Variants in DDX10 observed in about 807,000 individuals in gnomAD.
DDX10 encodes DEAD-box helicase 10, also known as probable ATP-dependent RNA helicase DDX10.
A neutral mutation model predicts 104.3 loss-of-function variants in DDX10; 74 were observed. That is an observed-to-expected ratio of 0.71 (90% CI 0.59 to 0.86). DDX10 has a LOEUF of 0.86. Ranked by LOEUF, DDX10 falls within the 40% of genes least tolerant of loss-of-function variation. The pLI, the probability that DDX10 is intolerant of heterozygous loss-of-function variation, is 0.00. For missense variants in DDX10, 952 were observed against 1,040.0 expected (o/e 0.92, Z 1.16); for synonymous variants, 351 against 353.4 (o/e 0.99, Z 0.08).
intron 16 of DDX10, among the ~76,000 whole-genome samples, chr11:108,886,394 CT>C: frequency 6.6e-6 from 1 of 152,332 alleles, no homozygotes; most frequent in East Asian, 1.9e-4. Flanking sequence ...TACAGTCTGT[CT>C]TCTTCCTCTG....
rs146403603 is a variant in DDX10 at position 108,858,011 on chromosome 11, TCTCA to T, written c.2304+5805_2304+5808del. Among the ~76,000 whole-genome samples, 1,166 of 152,320 alleles carry T rather than the reference TCTCA, an allele frequency of 7.7e-3. 10 individuals carry two copies. Among genetic ancestry groups the T allele is most frequent in the African/African-American group, 0.026 (1,064 of 41,574 alleles). ...GCATCTCCTATTAGTTACTATAAAA[TCTCA>T]CTGGAATCCCAGCAGCTTAATTTTT... is the stretch of plus-strand genomic sequence containing the variant. On this transcript the variant is annotated intron_variant, in intron 16 of 17. Coordinates refer to ENST00000322536, the MANE Select transcript of DDX10 (RefSeq NM_004398.4).
chr11:108,667,916 A>G (rs951058972), intron 1 of DDX10, among the ~76,000 whole-genome samples: 1 of 152,188 alleles, frequency 6.6e-6, no homozygotes, highest in Non-Finnish European at 1.5e-5. Flanking sequence ...CTTTTTTAAA[A>G]AAACTCTCCT....
intron 16 of DDX10, among the ~76,000 whole-genome samples, chr11:108,876,328 G>A (rs1382872520): frequency 6.6e-6 from 1 of 152,092 alleles, no homozygotes; most frequent in Non-Finnish European, 1.5e-5. Context: ...GAGACAGAAG[G>A]TCAGACAGCT....
chr11:108,797,293 A>T (rs146414773), intron 13 of DDX10, among the ~76,000 whole-genome samples: 6 of 152,206 alleles, frequency 3.9e-5, no homozygotes, highest in African/African-American at 1.2e-4. Flanking sequence ...CGGCCTCCCA[A>T]AGTGTTGGGA....
At chr11:108,838,374 G>T in intron 13 of DDX10, 72 bp from the exon 14 acceptor site, 2 of 1,499,442 alleles carry the variant, frequency 1.3e-6, no homozygotes, top group South Asian at 2.6e-5. Flanking sequence ...GAAGTATATT[G>T]CCAGAGTTGG....
intron 13 of DDX10, among the ~76,000 whole-genome samples, chr11:108,766,603 G>C (rs2094356669): frequency 6.6e-6 from 1 of 152,164 alleles, no homozygotes; most frequent in South Asian, 2.1e-4. Flanking sequence ...TTGGGAGTGA[G>C]TTTTATTTGT....
At chr11:108,672,694 A>G (rs975444364) in intron 1 of DDX10, among the ~76,000 whole-genome samples, 1 of 152,218 alleles carries the variant, frequency 6.6e-6, no homozygotes, top group Non-Finnish European at 1.5e-5. Context: ...TTTGCGAATC[A>G]TGTATAATTT....
intron 16 of DDX10, among the ~76,000 whole-genome samples, chr11:108,899,803 A>T (rs1282341545): frequency 6.6e-6 from 1 of 151,952 alleles, no homozygotes; most frequent in African/African-American, 2.4e-5. Flanking sequence ...TTCTCATGAG[A>T]CCTGGCTGTT....
chr11:108,909,744 C>T (rs1863643578), intron 16 of DDX10, among the ~76,000 whole-genome samples: 1 of 152,030 alleles, frequency 6.6e-6, no homozygotes, highest in African/African-American at 2.4e-5. Context: ...TGGTTATTGT[C>T]AGAAATGAGT....
At chr11:108,861,497 T>C (rs1862940853) in intron 16 of DDX10, among the ~76,000 whole-genome samples, 1 of 152,198 alleles carries the variant, frequency 6.6e-6, no homozygotes, top group Non-Finnish European at 1.5e-5. Context: ...CATCCAATAA[T>C]GGGCAAATTT....
intron 10 of DDX10, among the ~76,000 whole-genome samples, chr11:108,710,779 A>G (rs770845092): frequency 5.3e-5 from 8 of 152,204 alleles, no homozygotes; most frequent in Admixed American, 3.9e-4. Context: ...GCATCACCAT[A>G]AACACATGAG....
chr11:108,719,771 GTAC>G, intron 11 of DDX10, 23 bp from the exon 12 acceptor site: 1 of 1,368,162 alleles, frequency 7.3e-7, no homozygotes. Context: ...CTATTATATT[GTAC>G]TTTTCAACCT....
At chr11:108,897,056 C>G (rs1863451297) in intron 16 of DDX10, among the ~76,000 whole-genome samples, 1 of 151,976 alleles carries the variant, frequency 6.6e-6, no homozygotes, top group African/African-American at 2.4e-5. Flanking sequence ...AGCTAACATT[C>G]CTGGCTTTTT....
intron 14 of DDX10, among the ~76,000 whole-genome samples, chr11:108,839,810 AGACTAAACTAGAATAG>A (rs1862611664): frequency 6.6e-6 from 1 of 152,220 alleles, no homozygotes; most frequent in African/African-American, 2.4e-5. Flanking sequence ...CCTGAGAAAC[AGACTAAACTAGAATAG>A]TCATATGACA....
rs371790879 is a variant in DDX10 at position 108,891,209 on chromosome 11, A to G, written c.2305-26664A>G. Among the ~76,000 whole-genome samples the G allele has an allele frequency of 8.5e-5, 13 of 152,300 alleles. No individual in the cohort carries two copies. The East Asian group carries it at 1.9e-3, about 23-fold the overall frequency. On this transcript the variant is annotated intron_variant, in intron 16 of 17. Transcript: ENST00000322536. ...CAGCATTCTCAAAAAGATTTTAAGCATTTTGAGGAATTTTTACATTTTTAA... is the reference window on the plus strand; with the variant it reads ...CAGCATTCTCAAAAAGATTTTAAGCGTTTTGAGGAATTTTTACATTTTTAA...
intron 16 of DDX10, among the ~76,000 whole-genome samples, chr11:108,906,027 T>A (rs1042730685): frequency 1.3e-4 from 20 of 152,228 alleles, no homozygotes; most frequent in African/African-American, 4.8e-4. Context: ...GGGATTACAA[T>A]TCAACATGAG....
chr11:108,723,415 C>T lies in DDX10; in HGVS notation c.1918C>T (p.Arg640Trp), dbSNP rs138526052. ...EEDADFLKVKRHNVFGLDLKD... is the reference protein window; with the variant it reads ...EEDADFLKVKWHNVFGLDLKD... ...AGATGCTGATTTCTTGAAGGTGAAG[C>T]GGCATAATGTGTTTGGATTGGACCT... The change falls in exon 13 of 18, where the codon CGG becomes TGG. Residue 640 changes from arginine to tryptophan, a missense_variant. Arg to Trp is a moderately radical substitution (Grantham distance 101). Transcript: ENST00000322536. The T allele has an allele frequency of 5.1e-5, 83 of 1,613,488 alleles. No homozygotes were observed. Among genetic ancestry groups the T allele is most frequent in the African/African-American group, 1.7e-4 (13 of 74,886 alleles).
intron 9 of DDX10, among the ~76,000 whole-genome samples, chr11:108,703,042 C>T (rs975793351): frequency 6.6e-5 from 10 of 152,120 alleles, no homozygotes; most frequent in Non-Finnish European, 1.2e-4. Context: ...TGCTTGTTAT[C>T]GGGCGGCTAG....
intron 14 of DDX10, 112 bp from the exon 15 acceptor site, chr11:108,841,203 T>C: frequency 1.2e-6 from 1 of 821,794 alleles, no homozygotes. Flanking sequence ...CAGATTAGAT[T>C]GTAAGGCAGA....
Sources: gnomAD v4.1 joint callset for allele counts (sites outside exome capture counted in the v4.1 genomes callset) on GRCh38, gnomAD v4.1.1 for gene constraint, MANE v1.5 for transcripts, NCBI Gene and HGNC (gene_info 2026-07-23, HGNC 2026-07-21) for gene names.